FBXO38: variants seen among roughly 807,000 people sequenced by gnomAD.
FBXO38 encodes the protein F-box only protein 38.
FBXO38 carries 53 observed loss-of-function variants against 131.9 expected under a neutral mutation model. That is an observed-to-expected ratio of 0.40 (90% CI 0.32 to 0.51). The LOEUF (loss-of-function observed/expected upper bound fraction) is 0.51, where lower values mean the gene tolerates loss of function less well. FBXO38 is among the 20% of genes least tolerant of loss of function. The pLI is 0.53. For synonymous variants in FBXO38, 452 were observed against 505.6 expected, an observed-to-expected ratio of 0.89 and a Z score of 1.42; for missense variants, 1,076 against 1,475.6, an observed-to-expected ratio of 0.73 and a Z score of 4.44.
chr5:148,398,580 C>G (rs1404366211), intron 2 of FBXO38, among the ~76,000 whole-genome samples: 2 of 151,912 alleles, frequency 1.3e-5, no homozygotes, highest in Admixed American at 1.3e-4. Flanking sequence ...GGAGTAGATT[C>G]TGTAAAAGAT....
chr5:148,435,498 G>T (rs371037384), intron 17 of FBXO38, among the ~76,000 whole-genome samples: 6 of 152,152 alleles, frequency 3.9e-5, no homozygotes, highest in South Asian at 2.1e-4. Context: ...GTGGCCGGGC[G>T]CAGTGCTTTA....
chr5:148,396,861 CT>C (rs1319338799), intron 2 of FBXO38, among the ~76,000 whole-genome samples: 1 of 152,142 alleles, frequency 6.6e-6, no homozygotes, highest in Non-Finnish European at 1.5e-5. Context: ...CCATTTTGGC[CT>C]CCCAAAGTGC....
rs781703157 is a variant in FBXO38, at chr5:148,440,534, A to G, written c.3274+7A>G. 3.9e-6 allele frequency: 6 copies of G among 1,536,550 alleles called. No homozygotes were observed. The East Asian group carries it at 1.4e-4, about 35-fold the overall frequency. On this transcript the variant is annotated splice_region_variant and intron_variant, in intron 20 of 21. Coordinates refer to ENST00000340253, the MANE Select transcript of FBXO38 (RefSeq NM_205836.3). Reference sequence around the variant, plus strand: ...GAAATCTATACTTTAGAAGGTGAGTATTTACAAATGTTTAGAAAGTTAAAT... The same window carrying G: ...GAAATCTATACTTTAGAAGGTGAGTGTTTACAAATGTTTAGAAAGTTAAAT...
At chr5:148,416,929 A>G (rs1327114219) in intron 11 of FBXO38, 65 bp from the exon 12 acceptor site, 6 of 890,922 alleles carry the variant, frequency 6.7e-6, no homozygotes, top group Non-Finnish European at 1.1e-5. Context: ...ATGAAGGGAT[A>G]TTAAAAATGA....
intron 1 of FBXO38, chr5:148,384,887 T>G (rs1757829500): frequency 6.6e-6 from 1 of 152,232 alleles, no homozygotes; most frequent in African/African-American, 2.4e-5. Context: ...ACAGGAGACC[T>G]TGATTTTTGT....
In FBXO38 at chr5:148,415,971, G is replaced by A. The variant is rs750331046; in HGVS notation, c.1308G>A (p.Arg436=). The A allele has an allele frequency of 3.1e-6, 5 of 1,613,394 alleles. No individual in the cohort carries two copies. Among genetic ancestry groups the A allele is most frequent in the Non-Finnish European group, 4.2e-6 (5 of 1,179,612 alleles). Residue 436 remains arginine (R), a synonymous_variant, in exon 11 of 22, where the codon CGG becomes CGA. Coordinates refer to ENST00000340253, the MANE Select transcript of FBXO38 (RefSeq NM_205836.3). ...WTRLVDINLV[R]CHALKLDSFG... is the part of the protein sequence containing the mutation. The stretch of plus-strand genomic sequence containing the variant: ...GATTGGTTGATATCAACCTAGTACG[G>A]TGCCATGCTTTGAAGCTGGACTCTT...
rs79599611 is a variant in FBXO38 at position 148,405,558 on chromosome 5, G to T, written c.731-699G>T. 6.1e-3 allele frequency among the ~76,000 whole-genome samples: 927 copies of T among 152,202 alleles called. 14 individuals are homozygous for T. Among genetic ancestry groups the T allele is most frequent in the African/African-American group, 0.021 (889 of 41,510 alleles). The stretch of plus-strand genomic sequence containing the variant: ...TAACCTTATTCTGACACCTTTCCAA[G>T]ATATATCTTCTTTTATCATCACATT... On this transcript the variant is annotated intron_variant, in intron 6 of 21. Transcript: ENST00000340253.
chr5:148,390,372 A>G (rs567021210), intron 1 of FBXO38, among the ~76,000 whole-genome samples: 1 of 152,300 alleles, frequency 6.6e-6, no homozygotes, highest in South Asian at 2.1e-4. Context: ...AATCTCCTAT[A>G]TATAAGATAG....
chr5:148,416,157 A>G, intron 11 of FBXO38, 87 bp downstream of exon 11: 2 of 1,302,620 alleles, frequency 1.5e-6, no homozygotes, highest in Non-Finnish European at 1.0e-6. Context: ...TTTCTTTTCA[A>G]TGATATGCCT....
intron 8 of FBXO38, chr5:148,410,382 G>A (rs1273067264): frequency 2.1e-6 from 1 of 478,592 alleles, no homozygotes; most frequent in African/African-American, 2.0e-5. Context: ...TTTTTTGCCT[G>A]CTGCCATCAG....
intron 13 of FBXO38, among the ~76,000 whole-genome samples, chr5:148,425,270 A>G (rs1479110209): frequency 1.3e-5 from 2 of 152,156 alleles, no homozygotes; most frequent in South Asian, 2.1e-4. Flanking sequence ...ATCATTTTCT[A>G]TTTTAATTTG....
At chr5:148,407,067 A>G (rs1001076525) in intron 7 of FBXO38, among the ~76,000 whole-genome samples, 37 of 152,220 alleles carry the variant, frequency 2.4e-4, no homozygotes, top group Admixed American at 2.4e-3. Flanking sequence ...TAACAAACAG[A>G]CATTATAGTT....
intron 12 of FBXO38, among the ~76,000 whole-genome samples, chr5:148,420,083 C>T (rs1753320786): frequency 6.7e-6 from 1 of 150,176 alleles, no homozygotes; most frequent in African/African-American, 2.5e-5. Context: ...CTGAATTTTG[C>T]AACATTCTAA....
chr5:148,402,275 A>G (rs1752201028), intron 4 of FBXO38, 73 bp from the exon 5 acceptor site: 1 of 1,549,168 alleles, frequency 6.5e-7, no homozygotes. Context: ...TGTACTTAGC[A>G]TCTTGTGGTA....
chr5:148,402,945 G>T (rs1404282718), intron 5 of FBXO38, among the ~76,000 whole-genome samples: 1 of 152,062 alleles, frequency 6.6e-6, no homozygotes, highest in Non-Finnish European at 1.5e-5. Flanking sequence ...ATTATTCTAG[G>T]TATTGGGGAT....
At chr5:148,435,799 T>G (rs1754318122) in intron 17 of FBXO38, among the ~76,000 whole-genome samples, 1 of 152,006 alleles carries the variant, frequency 6.6e-6, no homozygotes, top group Non-Finnish European at 1.5e-5. Context: ...TACAGTGAGA[T>G]TTGTGACTCT....
intron 1 of FBXO38, among the ~76,000 whole-genome samples, chr5:148,386,909 T>TA (rs549877120): frequency 1.7e-4 from 26 of 151,354 alleles, no homozygotes; most frequent in East Asian, 7.7e-4. Flanking sequence ...GTACTTAATT[T>TA]AAAAAAAATG....
At chr5:148,416,755 T>C in intron 11 of FBXO38, 5 of 486,910 alleles carry the variant, frequency 1.0e-5, no homozygotes, top group Non-Finnish European at 1.8e-5. Flanking sequence ...CATGTGCTGT[T>C]GGGCAGATCT....
intron 7 of FBXO38, 74 bp from the exon 8 acceptor site, chr5:148,409,050 T>TTA (rs1203516985): frequency 6.4e-6 from 5 of 785,122 alleles, no homozygotes; most frequent in East Asian, 5.1e-5. Flanking sequence ...AGATAATACT[T>TTA]TATAATGTAT....
Sources: gnomAD v4.1 joint callset for allele counts (sites outside exome capture counted in the v4.1 genomes callset) on GRCh38, gnomAD v4.1.1 for gene constraint, MANE v1.5 for transcripts, NCBI Gene and HGNC (gene_info 2026-07-23, HGNC 2026-07-21) for gene names.